TMEM260: variants seen among roughly 807,000 people sequenced by gnomAD.
TMEM260 encodes the protein protein O-mannosyl-transferase TMEM260.
A neutral mutation model predicts 88.9 loss-of-function variants in TMEM260; 82 were observed. The observed-to-expected ratio is 0.92, with a 90% CI of 0.77 to 1.11. The LOEUF is 1.11. TMEM260 is among the 50% of genes least tolerant of loss of function. TMEM260 has a pLI of 0.00. For missense variants in TMEM260, 902 were observed against 853.4 expected (o/e 1.06, Z -0.71); for synonymous variants, 314 against 309.3 (o/e 1.02, Z -0.16).
intron 13 of TMEM260, 87 bp downstream of exon 13, chr14:56,633,258 A>T (rs1888761048): frequency 2.0e-5 from 19 of 930,476 alleles, no homozygotes; most frequent in East Asian, 3.0e-5. Context: ...ATGCCTTCTA[A>T]TTTTTTTTTT....
intron 1 of TMEM260, among the ~76,000 whole-genome samples, 181 bp downstream of exon 1, chr14:56,580,255 T>C (rs1885034905): frequency 1.3e-5 from 2 of 152,290 alleles, no homozygotes; most frequent in African/African-American, 2.4e-5. Flanking sequence ...TTCCTGTCGT[T>C]GTGGTTTCTT....
chr14:56,615,371 T>C (rs943445431), intron 7 of TMEM260: 1 of 152,086 alleles, frequency 6.6e-6, no homozygotes, highest in Non-Finnish European at 1.5e-5. Context: ...AGTTTATTTG[T>C]AGGAAAAAAA....
At chr14:56,596,729 C>T (rs901976248) in intron 3 of TMEM260, among the ~76,000 whole-genome samples, 5 of 143,146 alleles carry the variant, frequency 3.5e-5, no homozygotes, top group Non-Finnish European at 7.5e-5. Flanking sequence ...TGCCATTGCA[C>T]TCCAGCCTGG....
chr14:56,621,610 A>G lies in TMEM260; in HGVS notation c.1306A>G (p.Ile436Val), dbSNP rs1335305694. 1 of 1,613,702 alleles carries G rather than the reference A, an allele frequency of 6.2e-7. No individual in the cohort carries two copies. The highest frequency in any genetic ancestry group is 8.5e-7 in the Non-Finnish European group (1 of 1,179,808). ...CACCTCTATGCCTCATGATGCAATT[A>G]TCTTACTCAGAGGAGATTTGCCAGG... ...LLTSMPHDAI[I>V]LLRGDLPGNS... Residue 436 changes from isoleucine to valine, a missense_variant, in exon 11 of 16, where the codon ATC becomes GTC. By Grantham distance (29) the Ile-to-Val change is conservative. Transcript: ENST00000261556.
intron 13 of TMEM260, among the ~76,000 whole-genome samples, chr14:56,634,015 G>C (rs772496493): frequency 6.6e-6 from 1 of 152,186 alleles, no homozygotes; most frequent in Non-Finnish European, 1.5e-5. Flanking sequence ...AAAACACTCT[G>C]CAGCCGTCAT....
intron 3 of TMEM260, among the ~76,000 whole-genome samples, chr14:56,598,142 C>T (rs1462206406): frequency 6.6e-6 from 1 of 151,648 alleles, no homozygotes; most frequent in Non-Finnish European, 1.5e-5. Context: ...ACTCTAGCCA[C>T]CTAGAGTGTG....
At chr14:56,629,487 A>G (rs1201432451) in intron 12 of TMEM260, among the ~76,000 whole-genome samples, 1 of 152,098 alleles carries the variant, frequency 6.6e-6, no homozygotes, top group African/African-American at 2.4e-5. Flanking sequence ...AGAGAAAAAA[A>G]TATTCTACAA....
chr14:56,593,142 C>T (rs1195424689), intron 3 of TMEM260: 1 of 152,224 alleles, frequency 6.6e-6, no homozygotes, highest in African/African-American at 2.4e-5. Flanking sequence ...AGTGAGAAAA[C>T]TACTATGCAA....
intron 3 of TMEM260, among the ~76,000 whole-genome samples, chr14:56,592,455 A>AAAC (rs575777534): frequency 5.5e-4 from 83 of 152,292 alleles, no homozygotes; most frequent in Non-Finnish European, 1.0e-3. Flanking sequence ...TGTTGAAAGA[A>AAAC]TGTTGAGTGA....
chr14:56,662,897 G>A, the TMEM260 span, among the ~76,000 whole-genome samples: 1 of 152,234 alleles, frequency 6.6e-6, no homozygotes, highest in African/African-American at 2.4e-5. Flanking sequence ...GGAGGCCAAC[G>A]CGGGCGGATC....
intron 3 of TMEM260, among the ~76,000 whole-genome samples, chr14:56,597,478 T>G (rs1321036965): frequency 1.3e-5 from 2 of 152,176 alleles, no homozygotes; most frequent in African/African-American, 2.4e-5. Context: ...TTGCAAGTCA[T>G]TTAGTGTTGA....
intron 3 of TMEM260, among the ~76,000 whole-genome samples, chr14:56,598,172 G>T (rs1886362287): frequency 6.6e-6 from 1 of 151,972 alleles, no homozygotes; most frequent in Admixed American, 6.6e-5. Flanking sequence ...AAAAGCAATT[G>T]TCTGAGAATG....
Position 56,618,733 on chromosome 14 carries a change from T to C in TMEM260, c.1196T>C (p.Phe399Ser). The C allele has an allele frequency of 6.2e-7, 1 of 1,614,234 alleles. No homozygotes were observed. Among genetic ancestry groups the C allele is most frequent in the Non-Finnish European group, 8.5e-7 (1 of 1,180,042 alleles). Residue 399 changes from phenylalanine (F) to serine (S), a missense_variant, in exon 10 of 16, where the codon TTT (phenylalanine) becomes TCT (serine). By Grantham distance (155) the Phe-to-Ser change is radical. Coordinates refer to ENST00000261556, the MANE Select transcript of TMEM260 (RefSeq NM_017799.4). ...QCLEWLSATL[F>S]VVYQIYSNYS... ...CTGGAATGGCTTTCTGCAACTCTTTTTGTAGTTTACCAAATATATTCTAAT... is the reference window on the plus strand; with the variant it reads ...CTGGAATGGCTTTCTGCAACTCTTTCTGTAGTTTACCAAATATATTCTAAT...
intron 3 of TMEM260, among the ~76,000 whole-genome samples, chr14:56,596,430 A>G (rs1566534545): frequency 2.1e-5 from 3 of 145,244 alleles, no homozygotes; most frequent in Admixed American, 2.1e-4. Flanking sequence ...ATATATACAT[A>G]CACACACATA....
intron 7 of TMEM260, chr14:56,615,705 T>C: frequency 2.2e-6 from 1 of 464,044 alleles, no homozygotes; most frequent in Non-Finnish European, 3.9e-6. Context: ...TTATTTGTTC[T>C]GATCCTATTC....
downstream of TMEM260, among the ~76,000 whole-genome samples, chr14:56,653,742 A>AAAAAAAAAAAAAAAC (rs1555343565): frequency 4.9e-3 from 321 of 65,732 alleles, 10 homozygotes; most frequent in African/African-American, 9.6e-3. Flanking sequence ...TCTCCAAAAC[A>AAAAAAAAAAAAAAAC]AAAAAAAAAA....
chr14:56,637,932 C>T (rs1566574190), intron 15 of TMEM260, among the ~76,000 whole-genome samples: 1 of 151,978 alleles, frequency 6.6e-6, no homozygotes, highest in African/African-American at 2.4e-5. Context: ...CTTGTGAGTG[C>T]TGTGAGAGGC....
At chr14:56,652,869 C>A (rs1348412129), downstream of TMEM260, among the ~76,000 whole-genome samples, 1 of 152,198 alleles carries the variant, frequency 6.6e-6, no homozygotes, top group Non-Finnish European at 1.5e-5. Context: ...CCTATGCAGT[C>A]GCCTGTATCC....
intron 6 of TMEM260, among the ~76,000 whole-genome samples, chr14:56,609,944 C>T (rs2139568877): frequency 6.6e-6 from 1 of 152,158 alleles, no homozygotes; most frequent in Non-Finnish European, 1.5e-5. Flanking sequence ...GTTTTTCTTT[C>T]TTGGTTTGTA....
Sources: allele counts gnomAD v4.1 joint callset (sites outside exome capture counted in the v4.1 genomes callset), GRCh38; gene constraint gnomAD v4.1.1; transcripts MANE v1.5; gene names NCBI Gene and HGNC (gene_info 2026-07-23, HGNC 2026-07-21).